Variants in STK38L observed in about 807,000 individuals in gnomAD.
STK38L encodes the protein serine/threonine kinase 38 like, also known as serine/threonine-protein kinase 38-like.
Under a neutral mutation model 59.7 loss-of-function variants are expected in STK38L, and 28 were observed. The observed-to-expected ratio is 0.47, with a 90% confidence interval of 0.35 to 0.64. STK38L has a LOEUF of 0.64. STK38L is among the 30% of genes least tolerant of loss of function. The pLI is 0.01. For synonymous variants in STK38L, 162 were observed against 176.8 expected (o/e 0.92, Z 0.66); for missense variants, 314 against 555.8 (o/e 0.56, Z 4.37).
chr12:27,254,858 T>C (rs982754561), intron 1 of STK38L, among the ~76,000 whole-genome samples: 21 of 152,154 alleles, frequency 1.4e-4, no homozygotes, highest in African/African-American at 5.1e-4. Context: ...CCACACCTCT[T>C]CCAGGTACCA....
rs1944796771 is a variant in STK38L, at chr12:27,324,413, TATGAG to T, written c.*1961_*1965del. ...CTAGTGTGATAATGAATAGGTAAGA[TATGAG>T]ATAATTGCAACATTGTCTAGTTCTA... On this transcript the variant is annotated 3_prime_UTR_variant, in exon 14 of 14. Coordinates refer to ENST00000389032, the MANE Select transcript of STK38L (RefSeq NM_015000.4). The T allele has an allele frequency of 6.6e-6, 1 of 152,130 alleles. No individual in the cohort carries two copies. The highest frequency in any genetic ancestry group is 1.5e-5 in the Non-Finnish European group (1 of 67,950). The allele number at this position is 152,130 out of a possible 1,614,324, so 9.4% of individuals were successfully genotyped here. A position where few individuals can be genotyped will look rare whatever the true frequency, so the allele number is the denominator to read the frequency against.
chr12:27,270,209 C>G (rs760394452), intron 1 of STK38L, among the ~76,000 whole-genome samples: 2 of 151,936 alleles, frequency 1.3e-5, no homozygotes, highest in African/African-American at 4.8e-5. Context: ...CCAAATGAAT[C>G]TTTTTTTATT....
intron 2 of STK38L, chr12:27,300,551 C>T: frequency 2.2e-6 from 1 of 456,032 alleles, no homozygotes; most frequent in Non-Finnish European, 4.4e-6. Context: ...ATTCTTTCTG[C>T]AGAGGAGAAA....
In STK38L at chr12:27,317,888, A is replaced by T. The variant is rs765187513; in HGVS notation, c.956-8A>T. On this transcript the variant is annotated splice_region_variant and splice_polypyrimidine_tract_variant and intron_variant, in intron 10 of 13. Coordinates refer to ENST00000389032, the MANE Select transcript of STK38L (RefSeq NM_015000.4). ...TGATGAAACATTTTTGATTTATTTG[A>T]TACATAGGATATCCACCTTTCTGCT... 6.2e-7 allele frequency: 1 copy of T among 1,612,924 alleles called. No homozygotes were observed. Among genetic ancestry groups the T allele is most frequent in the South Asian group, 1.1e-5 (1 of 91,000 alleles).
chr12:27,272,585 T>A (rs781384082), intron 1 of STK38L, among the ~76,000 whole-genome samples: 47 of 152,228 alleles, frequency 3.1e-4, no homozygotes, highest in Non-Finnish European at 5.4e-4. Flanking sequence ...TCCAGACTTC[T>A]GCCTGGGGTG....
chr12:27,318,285 A>T (rs186718385), intron 11 of STK38L, among the ~76,000 whole-genome samples: 1 of 152,228 alleles, frequency 6.6e-6, no homozygotes, highest in Non-Finnish European at 1.5e-5. Context: ...GAATGCAATG[A>T]CCTGATTCCA....
At chr12:27,255,734 G>T (rs571880017) in intron 1 of STK38L, among the ~76,000 whole-genome samples, 1 of 152,260 alleles carries the variant, frequency 6.6e-6, no homozygotes, top group Non-Finnish European at 1.5e-5. Flanking sequence ...TCCCTGCACT[G>T]TGAGTGTGGG....
chr12:27,250,042 A>G (rs1942938966), intron 1 of STK38L, among the ~76,000 whole-genome samples: 1 of 152,150 alleles, frequency 6.6e-6, no homozygotes, highest in African/African-American at 2.4e-5. Context: ...GCAGAAACTA[A>G]CATGAGGGCA....
intron 11 of STK38L, 36 bp downstream of exon 11, chr12:27,318,055 C>A (rs1944629947): frequency 6.2e-7 from 1 of 1,609,128 alleles, no homozygotes; most frequent in Non-Finnish European, 8.5e-7. Flanking sequence ...TTCATAGTGT[C>A]TTAAAACTTC....
intron 1 of STK38L, among the ~76,000 whole-genome samples, chr12:27,260,102 A>G (rs1360807367): frequency 6.6e-6 from 1 of 151,816 alleles, no homozygotes; most frequent in Non-Finnish European, 1.5e-5. Context: ...GTCCCCCACC[A>G]CCACCACCAC....
At chr12:27,283,036 C>T (rs1452940459) in intron 1 of STK38L, among the ~76,000 whole-genome samples, 2 of 152,152 alleles carry the variant, frequency 1.3e-5, no homozygotes, top group Middle Eastern at 3.2e-3. Context: ...TGAAATGATA[C>T]ACATAAAGCA....
intron 1 of STK38L, among the ~76,000 whole-genome samples, chr12:27,295,555 C>A (rs1424495985): frequency 2.0e-5 from 3 of 152,174 alleles, no homozygotes; most frequent in Non-Finnish European, 4.4e-5. Flanking sequence ...CCCTCCCTCC[C>A]CCCAATCAAT....
chr12:27,296,827 G>C (rs1944036517), intron 1 of STK38L, among the ~76,000 whole-genome samples: 1 of 152,212 alleles, frequency 6.6e-6, no homozygotes, highest in Non-Finnish European at 1.5e-5. Flanking sequence ...CCCCCGTCAA[G>C]TGGCCATTTT....
intron 1 of STK38L, among the ~76,000 whole-genome samples, chr12:27,256,905 T>C (rs1329178418): frequency 3.3e-5 from 5 of 152,346 alleles, no homozygotes; most frequent in Admixed American, 2.6e-4. Flanking sequence ...TCTTAAAATA[T>C]GTGGTTCCGT....
Position 27,323,616 on chromosome 12 carries a change from A to G in STK38L, c.*1161A>G, listed in dbSNP as rs530998230. On this transcript the variant is annotated 3_prime_UTR_variant, in exon 14 of 14. Coordinates refer to ENST00000389032, the MANE Select transcript of STK38L (RefSeq NM_015000.4). Reference sequence around the variant, plus strand: ...CCTTTCCTGTGGGCATGCTGTATTCAGACCTGACAGATCTTTGATAGAGGT... The same window carrying G: ...CCTTTCCTGTGGGCATGCTGTATTCGGACCTGACAGATCTTTGATAGAGGT... 145 of 152,686 alleles carry G rather than the reference A, an allele frequency of 9.5e-4. 2 individuals carry two copies. Among genetic ancestry groups the G allele is most frequent in the African/African-American group, 3.3e-3 (138 of 41,564 alleles). The allele number at this position is 152,686 out of a possible 1,614,324, so 9.5% of individuals were successfully genotyped here. A position where few individuals can be genotyped will look rare whatever the true frequency, so the allele number is the denominator to read the frequency against.
chr12:27,253,383 GATA>G (rs1235925591), intron 1 of STK38L, among the ~76,000 whole-genome samples: 16 of 152,172 alleles, frequency 1.1e-4, no homozygotes, highest in Non-Finnish European at 7.3e-5. Flanking sequence ...TAATCTAGGT[GATA>G]ATAATGAAGT....
chr12:27,255,087 A>G (rs1340600563), intron 1 of STK38L, among the ~76,000 whole-genome samples: 1 of 152,262 alleles, frequency 6.6e-6, no homozygotes, highest in Non-Finnish European at 1.5e-5. Flanking sequence ...ATCAATGAAA[A>G]TTATAAGCAC....
At chr12:27,249,427 T>G (rs971880669) in intron 1 of STK38L, among the ~76,000 whole-genome samples, 3 of 152,196 alleles carry the variant, frequency 2.0e-5, no homozygotes, top group African/African-American at 7.2e-5. Flanking sequence ...AACCCCCGCC[T>G]CCTGGGTTCA....
rs1465098787 is a variant in STK38L at position 27,315,107 on chromosome 12, A to G, written c.765A>G (p.Pro255=). 6.2e-7 allele frequency: 1 copy of G among 1,613,236 alleles called. No homozygotes were observed. Among genetic ancestry groups the G allele is most frequent in the Non-Finnish European group, 8.5e-7 (1 of 1,179,524 alleles). Residue 255 remains proline (P), a synonymous_variant, in exon 8 of 14, where the codon CCA becomes CCG. Coordinates refer to ENST00000389032, the MANE Select transcript of STK38L (RefSeq NM_015000.4). ...EFYRNLTHNP[P]SDFSFQNMNS... is the part of the protein sequence containing the mutation. ...ATAGAAATCTCACACACAACCCACC[A>G]AGTGACTTCTGTAAGTTTGGTTGTT...
Sources: allele counts gnomAD v4.1 joint callset (sites outside exome capture counted in the v4.1 genomes callset), GRCh38; gene constraint gnomAD v4.1.1; transcripts MANE v1.5; gene names NCBI Gene and HGNC (gene_info 2026-07-23, HGNC 2026-07-21).